The following YBEY variants were observed in gnomAD, a reference collection of about 807,000 sequenced individuals.
The protein encoded by YBEY is ybeY metalloendoribonuclease, also known as endoribonuclease YbeY.
YBEY carries 15 observed loss-of-function variants against 13.5 expected under a neutral mutation model. The ratio of observed to expected loss-of-function variants is 1.11; its 90% CI spans 0.75 to 1.72. The LOEUF (loss-of-function observed/expected upper bound fraction) is 1.72. Among genes scored for constraint, YBEY ranks in the 40% most tolerant of loss-of-function variants. YBEY has a pLI of 0.00. For synonymous variants in YBEY, 101 were observed against 83.1 expected (o/e 1.21, Z -1.17); for missense variants, 244 against 208.4 (o/e 1.17, Z -1.05).
chr21:46,298,491 C>G (rs1341435064), downstream of YBEY, among the ~76,000 whole-genome samples: 1 of 135,924 alleles, frequency 7.4e-6, no homozygotes, highest in Admixed American at 8.6e-5. Flanking sequence ...TGCAGTGGTG[C>G]GATCTCGGCT....
At chr21:46,303,731 A>T in the YBEY span, among the ~76,000 whole-genome samples, 14 of 28,434 alleles carry the variant, frequency 4.9e-4, no homozygotes, top group Non-Finnish European at 7.9e-4. Context: ...ATATATATAT[A>T]TATATATATA....
In YBEY at chr21:46,291,357, C is replaced by T. The variant is rs1450286199; in HGVS notation, c.234C>T (p.Pro78=). The T allele has an allele frequency of 6.2e-7, 1 of 1,613,870 alleles. No homozygotes were observed. Among genetic ancestry groups the T allele is most frequent in the African/African-American group, 1.3e-5 (1 of 74,892 alleles). Reference sequence around the variant, plus strand: ...AGCATCTGAAAGCAGGTGAATTTCCCCAGCCTGATTTTCCAGATGACTACA... The same window carrying T: ...AGCATCTGAAAGCAGGTGAATTTCCTCAGCCTGATTTTCCAGATGACTACA... ...FHEHLKAGEF[P]QPDFPDDYNL... Residue 78 remains proline, a synonymous_variant, in exon 3 of 5, where the codon CCC becomes CCT. Transcript: ENST00000397701.
At chr21:46,308,464 A>T in the YBEY span, among the ~76,000 whole-genome samples, 1 of 152,138 alleles carries the variant, frequency 6.6e-6, no homozygotes. Flanking sequence ...CCATCTCAAA[A>T]AAAAAGAGTT....
the YBEY span, among the ~76,000 whole-genome samples, chr21:46,302,802 G>A: frequency 3.2e-5 from 1 of 31,540 alleles, no homozygotes; most frequent in Admixed American, 3.0e-4. Context: ...GTCTGCACAC[G>A]GTGCGGGTCC....
chr21:46,298,434 C>CTTTTGTTTTTTTTTTTTTTTTT (rs2082018961), downstream of YBEY, among the ~76,000 whole-genome samples: 2 of 97,160 alleles, frequency 2.1e-5, 1 homozygote, highest in Admixed American at 2.7e-4. Flanking sequence ...TTAATCCAAG[C>CTTTTGTTTTTTTTTTTTTTTTT]TTTTTTTTTT....
downstream of YBEY, chr21:46,302,423 A>G: frequency 1.5e-6 from 2 of 1,360,288 alleles, no homozygotes; most frequent in Non-Finnish European, 1.0e-6. Flanking sequence ...AGAAATTTCC[A>G]GAAGAAAAAC....
chr21:46,310,340 A>G, the YBEY span, among the ~76,000 whole-genome samples: 5 of 151,652 alleles, frequency 3.3e-5, no homozygotes, highest in Non-Finnish European at 7.4e-5. Flanking sequence ...ATAGCTGGGC[A>G]TGGTGGTGGG....
intron 3 of YBEY, chr21:46,291,765 T>C: frequency 1.8e-6 from 2 of 1,105,822 alleles, no homozygotes; most frequent in Non-Finnish European, 2.2e-6. Context: ...TGAATCAGCT[T>C]CTTTCTGAGC....
the YBEY span, among the ~76,000 whole-genome samples, chr21:46,304,859 G>GTCTA: frequency 6.6e-6 from 1 of 152,214 alleles, no homozygotes; most frequent in Admixed American, 6.5e-5. Flanking sequence ...CAGAAATGTG[G>GTCTA]TCTATCCATA....
At position 46,297,614 on chromosome 21, in the gene YBEY, G is replaced by T. The variant is rs2081997171; in HGVS notation, c.484G>T (p.Gly162Cys). ...GACCCGGCTGCAGCCCCTGACCCGG[G>T]GCCTCTTCGGAGGGAGCTGAGGGCC... is the stretch of plus-strand genomic sequence containing the variant. ...TGTRLQPLTR[G>C]LFGGS Residue 162 changes from glycine to cysteine, a missense_variant, in exon 5 of 5, where the codon GGC becomes TGC. Transcript: ENST00000397701. 2.2e-6 allele frequency: 3 copies of T among 1,361,240 alleles called. No homozygotes were observed. The highest frequency in any genetic ancestry group is 2.9e-6 in the Non-Finnish European group (3 of 1,042,608). The allele number at this position is 1,361,240 out of a possible 1,614,324, so 84.3% of individuals were successfully genotyped here. A position where few individuals can be genotyped will look rare whatever the true frequency, so the allele number is the denominator to read the frequency against.
the YBEY span, among the ~76,000 whole-genome samples, chr21:46,305,357 T>C: frequency 1.5e-5 from 2 of 134,038 alleles, no homozygotes; most frequent in Non-Finnish European, 3.1e-5. Context: ...TGAGACAGGG[T>C]CTCACTCTGT....
the YBEY span, among the ~76,000 whole-genome samples, chr21:46,305,607 G>A: frequency 6.6e-6 from 1 of 152,106 alleles, no homozygotes; most frequent in Non-Finnish European, 1.5e-5. Context: ...TGGGATTACA[G>A]ATATGAGCCA....
At chr21:46,294,824 G>A (rs1029290697) in intron 3 of YBEY, among the ~76,000 whole-genome samples, 1 of 152,074 alleles carries the variant, frequency 6.6e-6, no homozygotes, top group African/African-American at 2.4e-5. Context: ...TACTTAACTT[G>A]GCCTCCTTTG....
At chr21:46,306,418 C>G in the YBEY span, among the ~76,000 whole-genome samples, 99,084 of 151,894 alleles carry the variant, frequency 0.65, 34,930 homozygotes, top group Non-Finnish European at 0.8. Flanking sequence ...AGAATCGCTT[C>G]AACCTAGGAG....
chr21:46,311,490 G>A, the YBEY span: 5 of 1,610,730 alleles, frequency 3.1e-6, no homozygotes, highest in African/African-American at 2.7e-5. Context: ...GAGTAGGGAA[G>A]GCCTGGGGAG....
chr21:46,312,909 C>T, the YBEY span: 3 of 752,796 alleles, frequency 4.0e-6, no homozygotes, highest in African/African-American at 3.8e-5. Context: ...ATATAGAACA[C>T]GTCATGAAAA....
downstream of YBEY, chr21:46,301,395 C>T: frequency 1.3e-6 from 1 of 792,452 alleles, no homozygotes; most frequent in South Asian, 5.8e-5. Context: ...GATCCTCCTG[C>T]CTCAGCCTCT....
At chr21:46,310,630 G>A in the YBEY span, among the ~76,000 whole-genome samples, 11 of 151,614 alleles carry the variant, frequency 7.3e-5, no homozygotes, top group South Asian at 2.1e-4. Context: ...CCAAAATGGC[G>A]AAAACCCACC....
the YBEY span, among the ~76,000 whole-genome samples, chr21:46,303,733 A>T: frequency 6.5e-4 from 21 of 32,222 alleles, no homozygotes; most frequent in Non-Finnish European, 9.1e-4. Context: ...ATATATATAT[A>T]TATATATATA....
Sources: allele counts gnomAD v4.1 joint callset (sites outside exome capture counted in the v4.1 genomes callset), GRCh38; gene constraint gnomAD v4.1.1; transcripts MANE v1.5; gene names NCBI Gene and HGNC (gene_info 2026-07-23, HGNC 2026-07-21).